The following RPS6KA4 variants were observed in gnomAD, a reference collection of about 807,000 sequenced individuals.
RPS6KA4 encodes ribosomal protein S6 kinase alpha-4.
RPS6KA4 carries 38 observed loss-of-function variants against 89.6 expected under a neutral mutation model. That is an observed-to-expected ratio of 0.42 (90% CI 0.33 to 0.56). The LOEUF (loss-of-function observed/expected upper bound fraction) is 0.56, where lower values mean the gene tolerates loss of function less well. RPS6KA4 is among the 20% of genes least tolerant of loss of function. The pLI is 0.07. For missense variants in RPS6KA4, 873 were observed against 1,098.8 expected (o/e 0.79, Z 2.90); for synonymous variants, 495 against 492.8 (o/e 1.00, Z -0.06).
At chr11:64,368,078 C>T in intron 9 of RPS6KA4, 54 bp from the exon 10 acceptor site, 1 of 1,595,504 alleles carries the variant, frequency 6.3e-7, no homozygotes, top group Non-Finnish European at 8.6e-7. Flanking sequence ...AGTCTCCTCA[C>T]CCGCACCCCC....
At position 64,360,460 on chromosome 11, in the gene RPS6KA4, T is replaced by C; in HGVS notation, c.347-17T>C. On this transcript the variant is annotated splice_polypyrimidine_tract_variant and intron_variant, in intron 3 of 16. Coordinates refer to ENST00000334205, the MANE Select transcript of RPS6KA4 (RefSeq NM_003942.3). ...CACCTGACGGGGCTGCTTCCTGACT[T>C]CCACTGCACCTCCCAGACTATGTGA... 1.2e-6 allele frequency: 2 copies of C among 1,607,456 alleles called. No homozygotes were observed. Among genetic ancestry groups the C allele is most frequent in the Non-Finnish European group, 1.7e-6 (2 of 1,177,038 alleles).
chr11:64,369,581 G>C lies in RPS6KA4; in HGVS notation c.1564G>C (p.Glu522Gln), dbSNP rs775819303. The C allele has an allele frequency of 6.2e-7, 1 of 1,605,846 alleles. No individual in the cohort carries two copies. Among genetic ancestry groups the C allele is most frequent in the South Asian group, 1.1e-5 (1 of 90,272 alleles). Residue 522 changes from glutamate (E) to glutamine (Q), a missense_variant, in exon 13 of 17, where the codon GAG (glutamate) becomes CAG (glutamine). Physicochemically the swap from Glu to Gln is conservative, Grantham distance 29 (BLOSUM62 2). This residue lies in a region of RPS6KA4 where 542 missense variants were observed against 736.4 expected (regional missense o/e 0.74). Transcript: ENST00000334205. The part of the protein sequence containing the change: ...SLVSAVSFMH[E>Q]EAGVVHRDLK... ...CGTGTCGGCCGTGAGCTTCATGCAC[G>C]AGGAGGCGGGCGTGGTGCACCGCGA...
chr11:64,360,124 G>C (rs1651643067), intron 2 of RPS6KA4, 39 bp from the exon 3 acceptor site: 2 of 1,510,396 alleles, frequency 1.3e-6, no homozygotes, highest in East Asian at 2.5e-5. Flanking sequence ...CCAATCTCCC[G>C]CTCACAGCCC....
In RPS6KA4 at chr11:64,360,212, G is replaced by A; in HGVS notation, c.177G>A (p.Gly59=). The A allele has an allele frequency of 6.5e-7, 1 of 1,548,356 alleles. No individual in the cohort carries two copies. The highest frequency in any genetic ancestry group is 8.7e-7 in the Non-Finnish European group (1 of 1,146,948). ...GGAAGGCGGGCGGGCACGACGCGGG[G>A]AAGCTGTACGCCATGAAGGTGCTGC... The part of the protein sequence containing the change: ...LVRKAGGHDA[G]KLYAMKVLRK... The change falls in exon 3 of 17, where the codon GGG becomes GGA. Residue 59 remains glycine, a synonymous_variant. Transcript: ENST00000334205.
At chr11:64,369,384 T>G (rs916049735) in intron 12 of RPS6KA4, 62 bp from the exon 13 acceptor site, 10 of 1,463,338 alleles carry the variant, frequency 6.8e-6, no homozygotes, top group Admixed American at 2.2e-5. Context: ...GGGGCCTGGG[T>G]GGTGGGAGGG....
At chr11:64,362,831 TG>T (rs2036791162) in intron 8 of RPS6KA4, among the ~76,000 whole-genome samples, 2 of 152,060 alleles carry the variant, frequency 1.3e-5, no homozygotes, top group Admixed American at 1.3e-4. Flanking sequence ...CCACCACGAC[TG>T]GCTAATTTTT....
rs1430570360 is a variant in RPS6KA4, at chr11:64,370,598, C to G, written c.1993C>G (p.Leu665Val). The G allele has an allele frequency of 2.5e-6, 4 of 1,588,842 alleles. No homozygotes were observed. The highest frequency in any genetic ancestry group is 3.4e-6 in the Non-Finnish European group (4 of 1,174,536). Residue 665 changes from leucine (L) to valine (V), a missense_variant, in exon 16 of 17, where the codon CTC (leucine) becomes GTC (valine). By Grantham distance (32) the Leu-to-Val change is conservative. Around this residue, in one of 4 missense-constraint regions of RPS6KA4, gnomAD observed 278 missense variants for 284.8 expected, o/e 0.98. Transcript: ENST00000334205. This position sits in a 1 kb window ranked among gnomAD's most constrained non-coding sequence, Gnocchi z 4.1. The part of the protein sequence containing the change: ...LTVDPAKRLK[L>V]EGLRGSSWLQ... ...CGTGGACCCCGCCAAGCGGCTGAAG[C>G]TCGAGGGACTGCGGGGCAGCTCGTG...
At chr11:64,365,236 G>C in intron 8 of RPS6KA4, 65 bp from the exon 9 acceptor site, 1 of 1,561,550 alleles carries the variant, frequency 6.4e-7, no homozygotes, top group African/African-American at 1.3e-5. Context: ...AGTGAGGGTG[G>C]GCTGAGTGGA....
rs1278832133 is a variant in RPS6KA4, at chr11:64,372,131, C to G, written c.*651C>G. ...GGGGGTGGGGCCTTGGGGGTCTGGGCTGGGCATCCATGGTCACTGCCTCAG... is the reference window on the plus strand; with the variant it reads ...GGGGGTGGGGCCTTGGGGGTCTGGGGTGGGCATCCATGGTCACTGCCTCAG... On this transcript the variant is annotated 3_prime_UTR_variant, in exon 17 of 17. Coordinates refer to ENST00000334205, the MANE Select transcript of RPS6KA4 (RefSeq NM_003942.3). 2.0e-5 allele frequency: 3 copies of G among 152,772 alleles called. No individual in the cohort carries two copies. The highest frequency in any genetic ancestry group is 4.4e-5 in the Non-Finnish European group (3 of 68,062). 9.5% of individuals were successfully genotyped at this position (152,772 alleles called of 1,614,324 possible).
Position 64,359,382 on chromosome 11 carries a change from C to A in RPS6KA4, c.60C>A (p.Asn20Lys). The change falls in exon 2 of 17, where the codon AAC becomes AAA. Residue 20 changes from asparagine (N) to lysine (K), a missense_variant. Asn to Lys is a moderately conservative substitution (Grantham distance 94). Transcript: ENST00000334205. ...ATTCGCCCCCTGTGCCCACAGCCAACCTGACCGGGCACGAGGAGAAGGTGA... is the reference window on the plus strand; with the variant it reads ...ATTCGCCCCCTGTGCCCACAGCCAAACTGACCGGGCACGAGGAGAAGGTGA... Reference protein sequence around the residue: ...CAVELRITEANLTGHEEKVSV... With the variant: ...CAVELRITEAKLTGHEEKVSV... 6.2e-7 allele frequency: 1 copy of A among 1,613,506 alleles called. No individual in the cohort carries two copies. Among genetic ancestry groups the A allele is most frequent in the Non-Finnish European group, 8.5e-7 (1 of 1,179,800 alleles).
At chr11:64,365,608 G>A (rs1565070998) in intron 9 of RPS6KA4, 143 bp downstream of exon 9, 1 of 800,986 alleles carries the variant, frequency 1.2e-6, no homozygotes, top group South Asian at 1.9e-5. Flanking sequence ...CACTTCAGTG[G>A]GACCTAGGGT....
chr11:64,362,040 A>G (rs1442913489), intron 8 of RPS6KA4, 38 bp downstream of exon 8: 1 of 1,571,132 alleles, frequency 6.4e-7, no homozygotes, highest in South Asian at 1.2e-5. Flanking sequence ...CCTGGTGCAT[A>G]CCCAGGTGGG....
Position 64,371,305 on chromosome 11 carries a change from A to G in RPS6KA4, c.2144A>G (p.Glu715Gly). 6.2e-7 allele frequency: 1 copy of G among 1,612,690 alleles called. No homozygotes were observed. Among genetic ancestry groups the G allele is most frequent in the Non-Finnish European group, 8.5e-7 (1 of 1,179,864 alleles). The change falls in exon 17 of 17, where the codon GAG (glutamate) becomes GGG (glycine). Residue 715 changes from glutamate to glycine, a missense_variant. By Grantham distance (98) the Glu-to-Gly change is moderately conservative (BLOSUM62 -2). Coordinates refer to ENST00000334205, the MANE Select transcript of RPS6KA4 (RefSeq NM_003942.3). The part of the protein sequence containing the change: ...TFMAFNRGKR[E>G]GFFLKSVENA... ...CAGGCATTCAACCGGGGCAAGCGGGAGGGCTTCTTCCTGAAGAGCGTGGAG... is the reference window on the plus strand; with the variant it reads ...CAGGCATTCAACCGGGGCAAGCGGGGGGGCTTCTTCCTGAAGAGCGTGGAG...
chr11:64,361,226 GTTCCT>G lies in RPS6KA4; in HGVS notation c.556_560del (p.Phe186AspfsTer24). On this transcript the variant is annotated frameshift_variant, in exon 5 of 17. Coordinates refer to ENST00000334205, the MANE Select transcript of RPS6KA4 (RefSeq NM_003942.3). LOFTEE classifies it high-confidence loss of function. This position sits in a 1 kb window ranked among gnomAD's most constrained non-coding sequence, Gnocchi z 4.7. ...TCACGGACTTCGGGCTGAGCAAGGAGTTCCTGACGGAGGAGGTGAGTGGAGGCCAC... is the reference window on the plus strand; with the variant it reads ...TCACGGACTTCGGGCTGAGCAAGGAGGACGGAGGAGGTGAGTGGAGGCCAC... 1 of 1,613,386 alleles carries G rather than the reference GTTCCT, an allele frequency of 6.2e-7. No homozygotes were observed. Among genetic ancestry groups the G allele is most frequent in the Non-Finnish European group, 8.5e-7 (1 of 1,179,936 alleles).
At position 64,371,280 on chromosome 11, in the gene RPS6KA4, C is replaced by A. The variant is rs779179522; in HGVS notation, c.2122-3C>A. 3 of 1,612,476 alleles carry A rather than the reference C, an allele frequency of 1.9e-6. No individual in the cohort carries two copies. Among genetic ancestry groups the A allele is most frequent in the Non-Finnish European group, 2.5e-6 (3 of 1,179,710 alleles). On this transcript the variant is annotated splice_polypyrimidine_tract_variant and splice_region_variant and intron_variant, in intron 16 of 16. Transcript: ENST00000334205. The stretch of plus-strand genomic sequence containing the variant: ...GGGGCACTCACCCTTTCCTTTCTGC[C>A]AGGCATTCAACCGGGGCAAGCGGGA...
In RPS6KA4 at chr11:64,361,263, C is replaced by T. The variant is rs2036739622; in HGVS notation, c.570+22C>T. The T allele has an allele frequency of 6.3e-7, 1 of 1,590,388 alleles. No individual in the cohort carries two copies. On this transcript the variant is annotated intron_variant, in intron 5 of 16. Transcript: ENST00000334205. This position sits in a 1 kb window ranked among gnomAD's most constrained non-coding sequence, Gnocchi z 4.7. The stretch of plus-strand genomic sequence containing the variant: ...GGAGGTGAGTGGAGGCCACCTCTGC[C>T]TGCAGTGCCCCATTCAATCCTTCTC...
rs770225401 is a variant in RPS6KA4, at chr11:64,365,308, A to T, written c.914A>T (p.Asp305Val). ...CTGATTCCCTTCCCTCAGGGCCTCGATTGGGTGGCTCTGGCTGCCAGGAAG... is the reference window on the plus strand; with the variant it reads ...CTGATTCCCTTCCCTCAGGGCCTCGTTTGGGTGGCTCTGGCTGCCAGGAAG... ...VRNHPFFQGL[D>V]WVALAARKIP... The change falls in exon 9 of 17, where the codon GAT becomes GTT. Residue 305 changes from aspartate (D) to valine (V), a missense_variant. Physicochemically the swap from Asp to Val is radical, Grantham distance 152. This residue lies in a region of RPS6KA4 where 542 missense variants were observed against 736.4 expected (regional missense o/e 0.74). Coordinates refer to ENST00000334205, the MANE Select transcript of RPS6KA4 (RefSeq NM_003942.3). The T allele has an allele frequency of 6.2e-7, 1 of 1,612,826 alleles. No homozygotes were observed. Among genetic ancestry groups the T allele is most frequent in the Non-Finnish European group, 8.5e-7 (1 of 1,179,268 alleles).
intron 9 of RPS6KA4, among the ~76,000 whole-genome samples, chr11:64,366,050 A>T (rs903947617): frequency 8.6e-5 from 13 of 151,868 alleles, no homozygotes; most frequent in African/African-American, 3.1e-4. Context: ...AAAAAAAAAA[A>T]AAAGAGATCT....
In RPS6KA4 at chr11:64,372,122, G is replaced by T. The variant is rs1207669617; in HGVS notation, c.*642G>T. On this transcript the variant is annotated 3_prime_UTR_variant, in exon 17 of 17. Transcript: ENST00000334205. ...CTCCTGGCTGGGGGTGGGGCCTTGGGGGTCTGGGCTGGGCATCCATGGTCA... is the reference window on the plus strand; with the variant it reads ...CTCCTGGCTGGGGGTGGGGCCTTGGTGGTCTGGGCTGGGCATCCATGGTCA... 6.5e-6 allele frequency: 1 copy of T among 152,746 alleles called. No homozygotes were observed. Among genetic ancestry groups the T allele is most frequent in the African/African-American group, 2.4e-5 (1 of 41,448 alleles). 9.5% of individuals were successfully genotyped at this position (152,746 alleles called of 1,614,324 possible). A position where few individuals can be genotyped will look rare whatever the true frequency, so the allele number is the denominator to read the frequency against.
Sources: gnomAD v4.1 joint callset for allele counts (sites outside exome capture counted in the v4.1 genomes callset) on GRCh38, gnomAD v4.1.1 for gene constraint, gnomAD v4.1.1 regional missense constraint, Gnocchi (gnomAD v3.1) non-coding constraint, MANE v1.5 for transcripts, NCBI Gene and HGNC (gene_info 2026-07-23, HGNC 2026-07-21) for gene names.